The following SNRNP40 variants were observed in gnomAD, a reference collection of about 807,000 sequenced individuals.
The protein encoded by SNRNP40 is small nuclear ribonucleoprotein U5 subunit 40.
SNRNP40 carries 21 observed loss-of-function variants against 45.8 expected under a neutral mutation model. The observed-to-expected ratio is 0.46, with a 90% CI of 0.32 to 0.66. The LOEUF (loss-of-function observed/expected upper bound fraction) is 0.66. Among genes scored for constraint, SNRNP40 ranks in the 30% least tolerant of loss-of-function variants. The pLI is 0.03. For synonymous variants in SNRNP40, 142 were observed against 163.8 expected, an observed-to-expected ratio of 0.87 and a Z score of 1.01; for missense variants, 344 against 439.1, an observed-to-expected ratio of 0.78 and a Z score of 1.94.
intron 4 of SNRNP40, chr1:31,282,118 T>C (rs1187950072): frequency 6.6e-6 from 1 of 152,208 alleles, no homozygotes. Context: ...CTCTGTCTCC[T>C]GCTCAGCAAC....
chr1:31,261,001 C>T, intron 9 of SNRNP40: 1 of 1,264,694 alleles, frequency 7.9e-7, no homozygotes, highest in South Asian at 1.3e-5. Flanking sequence ...TGCTCTTACT[C>T]TCACCACTTA....
intron 1 of SNRNP40, among the ~76,000 whole-genome samples, chr1:31,296,325 C>G (rs1484078396): frequency 1.3e-5 from 2 of 152,210 alleles, no homozygotes; most frequent in East Asian, 3.8e-4. Flanking sequence ...ATGTTAGAGT[C>G]AGGATGCTTA....
intron 5 of SNRNP40, among the ~76,000 whole-genome samples, chr1:31,280,922 G>A (rs1270937756): frequency 1.3e-5 from 2 of 152,068 alleles, no homozygotes; most frequent in African/African-American, 2.4e-5. Context: ...ACTGCCATAT[G>A]GTCTATTGCC....
chr1:31,284,331 A>T (rs34030869), intron 4 of SNRNP40, among the ~76,000 whole-genome samples: 83,835 of 151,756 alleles, frequency 0.55, 23,840 homozygotes, highest in Non-Finnish European at 0.63. Flanking sequence ...CTATTTTTAG[A>T]AGAGACGGGG....
intron 8 of SNRNP40, chr1:31,263,326 T>G (rs1201377166): frequency 6.7e-6 from 1 of 150,030 alleles, no homozygotes; most frequent in Non-Finnish European, 1.5e-5. Flanking sequence ...AGAATCTTTT[T>G]GTTTTTCTCA....
At chr1:31,289,995 G>C (rs1206335867) in intron 3 of SNRNP40, among the ~76,000 whole-genome samples, 1 of 152,120 alleles carries the variant, frequency 6.6e-6, no homozygotes, top group African/African-American at 2.4e-5. Flanking sequence ...GAGTAGCTGG[G>C]ACCACAGGTC....
intron 4 of SNRNP40, chr1:31,282,173 G>A (rs1646021151): frequency 6.6e-6 from 1 of 152,086 alleles, no homozygotes; most frequent in Non-Finnish European, 1.5e-5. Flanking sequence ...TCCTAGTACT[G>A]AGGAAGCAAA....
Position 31,287,247 on chromosome 1 carries a change from G to A in SNRNP40, c.531+2007C>T, listed in dbSNP as rs187959592. Among the ~76,000 whole-genome samples the A allele has an allele frequency of 2.6e-5, 4 of 152,144 alleles. No individual in the cohort carries two copies. The East Asian group carries it at 7.7e-4, about 29-fold the overall frequency. Reference sequence around the variant, plus strand: ...ACATTGCAAAAAGCTGTTTAATGATGCCTTAAATATAAATATACTGACATT... The same window carrying A: ...ACATTGCAAAAAGCTGTTTAATGATACCTTAAATATAAATATACTGACATT... On this transcript the variant is annotated intron_variant, in intron 4 of 9. Transcript: ENST00000263694.
chr1:31,289,091 G>T (rs540985464), intron 4 of SNRNP40, among the ~76,000 whole-genome samples, 163 bp downstream of exon 4: 36 of 152,308 alleles, frequency 2.4e-4, no homozygotes, highest in Non-Finnish European at 4.9e-4. Flanking sequence ...ATTAAAACTT[G>T]TATTAAATGT....
In SNRNP40 at chr1:31,271,466, T is replaced by C; in HGVS notation, c.688A>G (p.Thr230Ala). The change falls in exon 6 of 10, where the codon ACC (threonine) becomes GCC (alanine). Residue 230 changes from threonine (T) to alanine (A), a missense_variant. Around this residue, in one of 2 missense-constraint regions of SNRNP40, gnomAD observed 254 missense variants for 380.2 expected, o/e 0.67. Transcript: ENST00000263694. The stretch of plus-strand genomic sequence containing the variant: ...ACTGAATCTGCATGGCCTCTCATGG[T>C]GTAGGTTAGCTTGTTCTGGCGCAGG... Reference protein sequence around the residue: ...WDLRQNKLTYTMRGHADSVTG... With the variant: ...WDLRQNKLTYAMRGHADSVTG... 1.2e-6 allele frequency: 2 copies of C among 1,613,942 alleles called. No homozygotes were observed. Among genetic ancestry groups the C allele is most frequent in the African/African-American group, 2.7e-5 (2 of 74,998 alleles).
intron 5 of SNRNP40, among the ~76,000 whole-genome samples, chr1:31,280,481 C>T (rs1031895632): frequency 1.3e-5 from 2 of 151,966 alleles, no homozygotes; most frequent in Non-Finnish European, 2.9e-5. Context: ...GATATTTCAT[C>T]CAAAGTAACA....
rs558116886 is a variant in SNRNP40, at chr1:31,289,796, G to A, written c.366-377C>T. ...TGCTGCAGAGATCAGACAGACTGTG[G>A]TACCGACCTGACAGCTGAGTGACTC... On this transcript the variant is annotated intron_variant, in intron 3 of 9. Transcript: ENST00000263694. Among the ~76,000 whole-genome samples the A allele has an allele frequency of 8.5e-5, 13 of 152,310 alleles. No homozygotes were observed. In the East Asian group the frequency reaches 2.5e-3, roughly 29 times the overall value.
chr1:31,285,314 G>A (rs1309890526), intron 4 of SNRNP40, among the ~76,000 whole-genome samples: 1 of 147,206 alleles, frequency 6.8e-6, no homozygotes, highest in Non-Finnish European at 1.5e-5. Flanking sequence ...CGTGATCTCC[G>A]CTCACTGCAA....
chr1:31,282,429 G>C (rs952146540), intron 4 of SNRNP40: 2 of 151,874 alleles, frequency 1.3e-5, no homozygotes, highest in Non-Finnish European at 2.9e-5. Context: ...AGACAATTTG[G>C]GGAATAAGAG....
rs559496687 is a variant in SNRNP40, at chr1:31,277,747, T to G, written c.654+3627A>C. ...TCTCTCTCTGTCGTCTAGGCTGGAG[T>G]GCAGTGGCACGATCTTGGCTCACCA... On this transcript the variant is annotated intron_variant, in intron 5 of 9. Transcript: ENST00000263694. Among the ~76,000 whole-genome samples the G allele has an allele frequency of 2.0e-5, 3 of 152,310 alleles. No individual in the cohort carries two copies. In the East Asian group the frequency reaches 5.8e-4, roughly 29 times the overall value.
At chr1:31,262,675 G>A (rs1048783244) in intron 8 of SNRNP40, among the ~76,000 whole-genome samples, 1 of 151,324 alleles carries the variant, frequency 6.6e-6, no homozygotes, top group Non-Finnish European at 1.5e-5. Flanking sequence ...CAAAAAAAAA[G>A]AGCTTATTAG....
Position 31,296,663 on chromosome 1 carries a change from G to T in SNRNP40, c.89C>A (p.Ser30Tyr), listed in dbSNP as rs1471089189. The T allele has an allele frequency of 1.2e-6, 2 of 1,613,956 alleles. No homozygotes were observed. Among genetic ancestry groups the T allele is most frequent in the African/African-American group, 2.7e-5 (2 of 75,046 alleles). Reference protein sequence around the residue: ...QRHELLLGAGSGPGAGQQQAT... With the variant: ...QRHELLLGAGYGPGAGQQQAT... Reference sequence around the variant, plus strand: ...CTGCTGCTGCCCGGCTCCTGGGCCAGACCCCGCTCCCAACAGCAACTCATG... The same window carrying T: ...CTGCTGCTGCCCGGCTCCTGGGCCATACCCCGCTCCCAACAGCAACTCATG... The change falls in exon 1 of 10, where the codon TCT becomes TAT. Residue 30 changes from serine (S) to tyrosine (Y), a missense_variant. Ser to Tyr is a moderately radical substitution (Grantham distance 144). This residue lies in a region of SNRNP40 where 90 missense variants were observed against 58.9 expected (regional missense o/e 1.53). Coordinates refer to ENST00000263694, the MANE Select transcript of SNRNP40 (RefSeq NM_004814.3).
rs372944854 is a variant in SNRNP40 at position 31,260,141 on chromosome 1, T to C, written c.1025-20A>G. 64 of 1,540,344 alleles carry C rather than the reference T, an allele frequency of 4.2e-5. No individual in the cohort carries two copies. The African/African-American group carries it at 7.9e-4, about 19-fold the overall frequency. The stretch of plus-strand genomic sequence containing the variant: ...AGATAACTGAGGTAAAAAGAACAGA[T>C]AACTAGAAATAATGAAGGCTCAAGG... On this transcript the variant is annotated intron_variant, in intron 9 of 9. Coordinates refer to ENST00000263694, the MANE Select transcript of SNRNP40 (RefSeq NM_004814.3).
At chr1:31,281,068 T>C (rs1319067441) in intron 5 of SNRNP40, among the ~76,000 whole-genome samples, 1 of 152,178 alleles carries the variant, frequency 6.6e-6, no homozygotes, top group African/African-American at 2.4e-5. Context: ...TAAACCAAGA[T>C]GGTTAAAAAA....
Sources: gnomAD v4.1 joint callset for allele counts (sites outside exome capture counted in the v4.1 genomes callset) on GRCh38, gnomAD v4.1.1 for gene constraint, gnomAD v4.1.1 regional missense constraint, MANE v1.5 for transcripts, NCBI Gene and HGNC (gene_info 2026-07-23, HGNC 2026-07-21) for gene names.